The following SCEL variants were observed in gnomAD, a reference collection of about 807,000 sequenced individuals.
The protein encoded by SCEL is sciellin.
SCEL carries 113 observed loss-of-function variants against 117.6 expected under a neutral mutation model. That is an observed-to-expected ratio of 0.96 (90% CI 0.83 to 1.12). The LOEUF (loss-of-function observed/expected upper bound fraction) is 1.12. SCEL is among the 50% of genes most tolerant of loss of function. The pLI, the probability that SCEL is intolerant of heterozygous loss-of-function variation, is 0.00. For synonymous variants in SCEL, 270 were observed against 256.2 expected (o/e 1.05, Z -0.51); for missense variants, 785 against 810.8 (o/e 0.97, Z 0.39).
At chr13:77,596,511 T>C (rs1001040839) in intron 12 of SCEL, among the ~76,000 whole-genome samples, 4 of 152,166 alleles carry the variant, frequency 2.6e-5, no homozygotes, top group Admixed American at 2.0e-4. Flanking sequence ...AGTATTCTCA[T>C]TTTACAAATG....
chr13:77,586,098 C>G (rs1296831209), intron 9 of SCEL, among the ~76,000 whole-genome samples: 1 of 152,220 alleles, frequency 6.6e-6, no homozygotes, highest in East Asian at 1.9e-4. Flanking sequence ...GTCTCTGAGA[C>G]ACTCACACTC....
chr13:77,597,973 A>G (rs1236106170), intron 13 of SCEL, among the ~76,000 whole-genome samples: 1 of 152,006 alleles, frequency 6.6e-6, no homozygotes, highest in African/African-American at 2.4e-5. Flanking sequence ...GTTTATTATT[A>G]TTTTTTGAGA....
chr13:77,609,101 GA>G lies in SCEL; in HGVS notation c.1267del (p.Ser423ValfsTer14). 1.3e-6 allele frequency: 2 copies of G among 1,596,530 alleles called. No individual in the cohort carries two copies. The highest frequency in any genetic ancestry group is 1.8e-5 in the Admixed American group (1 of 54,682). ...NNFIKVYPGT[E>X]KSTEGGQSLD... is the part of the protein sequence containing the mutation. ...CTTCATCAAAGTGTATCCAGGAACA[GA>G]AAAAAGTACTGAAGGGTAAGATTTA... On this transcript the variant is annotated frameshift_variant, in exon 21 of 33. Transcript: ENST00000349847. LOFTEE classifies it high-confidence loss of function.
intron 1 of SCEL, among the ~76,000 whole-genome samples, chr13:77,545,310 T>C (rs1163633434): frequency 1.3e-5 from 2 of 152,206 alleles, no homozygotes; most frequent in African/African-American, 4.8e-5. Flanking sequence ...AGTGTCAATA[T>C]GTGGGTGTTG....
chr13:77,542,949 G>A (rs1277148986), intron 1 of SCEL, among the ~76,000 whole-genome samples: 2 of 152,108 alleles, frequency 1.3e-5, no homozygotes, highest in African/African-American at 2.4e-5. Flanking sequence ...TAGTGGTGGG[G>A]TTGGCACTGT....
intron 12 of SCEL, among the ~76,000 whole-genome samples, chr13:77,596,573 A>G (rs897910208): frequency 2.0e-5 from 3 of 152,174 alleles, no homozygotes; most frequent in Non-Finnish European, 4.4e-5. Context: ...TCACCAATGA[A>G]TAAGTGATGA....
At chr13:77,606,028 A>G (rs993782301) in intron 19 of SCEL, among the ~76,000 whole-genome samples, 14 of 152,062 alleles carry the variant, frequency 9.2e-5, no homozygotes, top group Non-Finnish European at 1.8e-4. Context: ...ATTTTTCTTC[A>G]TATGTTGGTG....
rs1594210757 is a variant in SCEL at position 77,640,672 on chromosome 13, A to G, written c.1839-4A>G. The stretch of plus-strand genomic sequence containing the variant: ...TTTATTTTTAATTGCTTACATTTCT[A>G]TAGGTCTGTCATTGAAAGAGATATG... On this transcript the variant is annotated splice_polypyrimidine_tract_variant and splice_region_variant and intron_variant, in intron 30 of 32. Coordinates refer to ENST00000349847, the MANE Select transcript of SCEL (RefSeq NM_144777.3). 2 of 1,515,072 alleles carry G rather than the reference A, an allele frequency of 1.3e-6. No individual in the cohort carries two copies. Among genetic ancestry groups the G allele is most frequent in the Non-Finnish European group, 9.1e-7 (1 of 1,104,066 alleles). The allele number at this position is 1,515,072 out of a possible 1,614,324, so 93.9% of individuals were successfully genotyped here.
chr13:77,594,259 T>C (rs2087092069), intron 12 of SCEL, among the ~76,000 whole-genome samples: 1 of 152,252 alleles, frequency 6.6e-6, no homozygotes, highest in Non-Finnish European at 1.5e-5. Context: ...GCCCATTCAA[T>C]GGCATATAAC....
At chr13:77,612,603 G>A (rs1310653821) in intron 22 of SCEL, among the ~76,000 whole-genome samples, 1 of 150,696 alleles carries the variant, frequency 6.6e-6, no homozygotes, top group Non-Finnish European at 1.5e-5. Flanking sequence ...ATTATAAATG[G>A]TTTAATTCTG....
chr13:77,555,835 C>G lies in SCEL; in HGVS notation c.-19-22C>G, dbSNP rs3783160. ...TCTCAGAGTCATTGATGTGCTTTCT[C>G]TATTTCCCATTTTTCTTTTAGGTCC... On this transcript the variant is annotated intron_variant, in intron 1 of 32. Transcript: ENST00000349847. 6.5e-5 allele frequency: 100 copies of G among 1,541,972 alleles called. No homozygotes were observed. The East Asian group carries it at 2.0e-3, about 32-fold the overall frequency.
At chr13:77,586,365 C>G (rs542371631) in intron 9 of SCEL, among the ~76,000 whole-genome samples, 1 of 152,312 alleles carries the variant, frequency 6.6e-6, no homozygotes, top group South Asian at 2.1e-4. Flanking sequence ...CGCTTTCTCT[C>G]TGTCCAGCTC....
At chr13:77,586,843 A>T (rs2086593259) in intron 9 of SCEL, among the ~76,000 whole-genome samples, 1 of 152,120 alleles carries the variant, frequency 6.6e-6, no homozygotes, top group African/African-American at 2.4e-5. Flanking sequence ...TGAGATATTT[A>T]TCTTTATGTT....
intron 9 of SCEL, among the ~76,000 whole-genome samples, chr13:77,584,859 G>A (rs943135404): frequency 5.9e-5 from 9 of 152,154 alleles, no homozygotes; most frequent in Admixed American, 1.3e-4. Flanking sequence ...GATATTTTCC[G>A]AGAAAAGAAG....
chr13:77,547,752 A>G (rs536915109), intron 1 of SCEL, among the ~76,000 whole-genome samples: 2 of 152,346 alleles, frequency 1.3e-5, no homozygotes, highest in Admixed American at 6.5e-5. Context: ...TTTGTTAGCT[A>G]GGTATTCTCC....
chr13:77,549,185 A>G (rs900636380), intron 1 of SCEL, among the ~76,000 whole-genome samples: 51 of 152,278 alleles, frequency 3.3e-4, no homozygotes, highest in Middle Eastern at 3.4e-3. Context: ...CCAACAGTGT[A>G]TGAGAGTTCT....
At chr13:77,635,411 CAT>C (rs1223334445) in intron 29 of SCEL, among the ~76,000 whole-genome samples, 1 of 152,074 alleles carries the variant, frequency 6.6e-6, no homozygotes, top group Non-Finnish European at 1.5e-5. Flanking sequence ...CAAATAGTAT[CAT>C]AGTGAAGGCA....
rs200873151 is a variant in SCEL at position 77,644,555 on chromosome 13, C to T, written c.*281C>T. 40 of 307,240 alleles carry T rather than the reference C, an allele frequency of 1.3e-4. 1 individual carries two copies. The East Asian group carries it at 2.3e-3, about 17-fold the overall frequency. 19.0% of individuals were successfully genotyped at this position (307,240 alleles called of 1,614,324 possible). A position where few individuals can be genotyped will look rare whatever the true frequency, so the allele number is the denominator to read the frequency against. ...TGCATTACACTCCAGCCAGGTCCAT[C>T]CCTGCTCCGTATGTTGGCTGTGAGT... On this transcript the variant is annotated 3_prime_UTR_variant, in exon 33 of 33. Coordinates refer to ENST00000349847, the MANE Select transcript of SCEL (RefSeq NM_144777.3).
rs139389723 is a variant in SCEL at position 77,606,914 on chromosome 13, C to T, written c.1158-1142C>T. On this transcript the variant is annotated intron_variant, in intron 19 of 32. Transcript: ENST00000349847. Reference sequence around the variant, plus strand: ...ATCAGAGCAGCATTTACTGCTGCTACTGGTATGCAGAAAACACATGTAGAT... The same window carrying T: ...ATCAGAGCAGCATTTACTGCTGCTATTGGTATGCAGAAAACACATGTAGAT... Among the ~76,000 whole-genome samples the T allele has an allele frequency of 9.2e-3, 1,396 of 152,148 alleles. 28 individuals carry two copies. Among genetic ancestry groups the T allele is most frequent in the African/African-American group, 0.031 (1,287 of 41,488 alleles).
Sources: allele counts gnomAD v4.1 joint callset (sites outside exome capture counted in the v4.1 genomes callset), GRCh38; gene constraint gnomAD v4.1.1; transcripts MANE v1.5; gene names NCBI Gene and HGNC (gene_info 2026-07-23, HGNC 2026-07-21).